RORA: variants seen among roughly 807,000 people sequenced by gnomAD.
RORA encodes nuclear receptor ROR-alpha.
Under a neutral mutation model 69.5 loss-of-function variants are expected in RORA, and 7 were observed. That is an observed-to-expected ratio of 0.10 (90% CI 0.06 to 0.19). RORA has a LOEUF of 0.19. Ranked by LOEUF, RORA falls within the 10% of genes least tolerant of loss-of-function variation. The pLI, the probability that RORA is intolerant of heterozygous loss-of-function variation, is 1.00. For synonymous variants in RORA, 261 were observed against 240.8 expected (o/e 1.08, Z -0.78); for missense variants, 457 against 663.0 (o/e 0.69, Z 3.41).
chr15:60,501,609 CTAACTGA>C (rs2065333906), intron 8 of RORA, among the ~76,000 whole-genome samples: 1 of 152,216 alleles, frequency 6.6e-6, no homozygotes, highest in African/African-American at 2.4e-5. Context: ...TAGCCATATT[CTAACTGA>C]TATGTTAAAT....
chr15:60,666,166 ATTT>A lies in RORA; in HGVS notation c.196+12488_196+12490del, dbSNP rs142176178. Among the ~76,000 whole-genome samples the A allele has an allele frequency of 2.8e-3, 386 of 135,526 alleles. 1 individual carries two copies. Among genetic ancestry groups the A allele is most frequent in the Admixed American group, 3.6e-3 (49 of 13,432 alleles). The allele number at this position is 135,526 out of a possible 152,430, so 88.9% of individuals were successfully genotyped here. A position where few individuals can be genotyped will look rare whatever the true frequency, so the allele number is the denominator to read the frequency against. On this transcript the variant is annotated intron_variant, in intron 2 of 10. Transcript: ENST00000335670. ...GTTAAGCCCAAGGGATACAAAGATA[ATTT>A]TTTTTTTTTTTTTTTTGAAACAGGG... is the stretch of plus-strand genomic sequence containing the variant.
At chr15:60,907,544 T>C (rs1350839306) in intron 1 of RORA, among the ~76,000 whole-genome samples, 3 of 152,196 alleles carry the variant, frequency 2.0e-5, no homozygotes, top group African/African-American at 2.4e-5. Flanking sequence ...TCTTCATTTG[T>C]GAATTATTCG....
chr15:60,495,541 T>C lies in RORA; in HGVS notation c.*1914A>G, dbSNP rs775123697. On this transcript the variant is annotated 3_prime_UTR_variant, in exon 11 of 11. Coordinates refer to ENST00000335670, the MANE Select transcript of RORA (RefSeq NM_134261.3). Reference sequence around the variant, plus strand: ...CAGTGGAGTTAGAAACAGAGTGAAGTGCTCTGGGAAGCCCATGCTGGTAAC... The same window carrying C: ...CAGTGGAGTTAGAAACAGAGTGAAGCGCTCTGGGAAGCCCATGCTGGTAAC... The C allele has an allele frequency of 2.0e-5, 3 of 152,242 alleles. No individual in the cohort carries two copies. Among genetic ancestry groups the C allele is most frequent in the Admixed American group, 1.3e-4 (2 of 15,280 alleles). 9.4% of individuals were successfully genotyped at this position (152,242 alleles called of 1,614,324 possible). A position where few individuals can be genotyped will look rare whatever the true frequency, so the allele number is the denominator to read the frequency against.
chr15:60,882,770 G>A (rs568204227), intron 1 of RORA, among the ~76,000 whole-genome samples: 5 of 152,100 alleles, frequency 3.3e-5, no homozygotes, highest in Admixed American at 6.5e-5. Context: ...GTTCTGATAC[G>A]TTCAGCCAAG....
intron 1 of RORA, among the ~76,000 whole-genome samples, chr15:60,984,356 A>G (rs1894131822): frequency 6.6e-6 from 1 of 151,882 alleles, no homozygotes; most frequent in Non-Finnish European, 1.5e-5. Flanking sequence ...TTAAAAAAGA[A>G]TCGTGACAAT....
chr15:61,084,825 C>CT lies in RORA; in HGVS notation c.166+144227dup, dbSNP rs34566111. 3.5e-3 allele frequency among the ~76,000 whole-genome samples: 486 copies of CT among 138,716 alleles called. 1 individual carries two copies. Among genetic ancestry groups the CT allele is most frequent in the Non-Finnish European group, 4.6e-3 (293 of 64,268 alleles). 91.0% of individuals were successfully genotyped at this position (138,716 alleles called of 152,430 possible). ...TCAGGCCCTTTCAGTTCTACCCATC[C>CT]TTTTTTTTTTTTTTTTTCTTTCCTA... On this transcript the variant is annotated intron_variant, in intron 1 of 10. Transcript: ENST00000335670.
chr15:60,935,658 C>CTATG (rs2140318217), intron 1 of RORA, among the ~76,000 whole-genome samples: 1 of 152,342 alleles, frequency 6.6e-6, no homozygotes, highest in African/African-American at 2.4e-5. Context: ...CCGCCTTTTG[C>CTATG]TTAACCGGCC....
At chr15:60,778,660 T>A (rs2072208978) in intron 1 of RORA, among the ~76,000 whole-genome samples, 1 of 152,162 alleles carries the variant, frequency 6.6e-6, no homozygotes, top group Non-Finnish European at 1.5e-5. Flanking sequence ...AACTGACAGC[T>A]CCCTTTAGCG....
chr15:60,991,624 T>C (rs963632716), intron 1 of RORA, among the ~76,000 whole-genome samples: 5 of 150,824 alleles, frequency 3.3e-5, no homozygotes, highest in South Asian at 2.1e-4. Flanking sequence ...AGACGGGGTG[T>C]TGGCAGCTCA....
chr15:61,131,406 C>T lies in RORA; in HGVS notation c.166+97647G>A, dbSNP rs570392516. 3.3e-5 allele frequency among the ~76,000 whole-genome samples: 5 copies of T among 152,284 alleles called. No individual in the cohort carries two copies. The South Asian group carries it at 1.0e-3, about 32-fold the overall frequency. On this transcript the variant is annotated intron_variant, in intron 1 of 10. Transcript: ENST00000335670. This position sits in a 1 kb window ranked among gnomAD's most constrained non-coding sequence, Gnocchi z 4.2. Reference sequence around the variant, plus strand: ...CAGATTTCAGCAGCATTTGCTGGAGCAAGGTGACTCCAGCATTTCTCTAGA... The same window carrying T: ...CAGATTTCAGCAGCATTTGCTGGAGTAAGGTGACTCCAGCATTTCTCTAGA...
chr15:60,575,434 G>A (rs2067997426), intron 2 of RORA, among the ~76,000 whole-genome samples: 1 of 152,124 alleles, frequency 6.6e-6, no homozygotes, highest in African/African-American at 2.4e-5. Flanking sequence ...GTGAAGTGGT[G>A]GTACAAAGGA....
At chr15:60,642,511 A>G (rs1012716918) in intron 2 of RORA, among the ~76,000 whole-genome samples, 2 of 152,270 alleles carry the variant, frequency 1.3e-5, no homozygotes, top group Non-Finnish European at 2.9e-5. Context: ...CAGGCAAGTA[A>G]ACTGCTAGTC....
rs1449707590 is a variant in RORA, at chr15:60,492,903, GTAT to G, written c.*4549_*4551del. ...AGTTCACTTGTGCCTTGGAGGGATAGTATTATTATCATTATTATTAATAATAAA... is the reference window on the plus strand; with the variant it reads ...AGTTCACTTGTGCCTTGGAGGGATAGTATTATCATTATTATTAATAATAAA... On this transcript the variant is annotated 3_prime_UTR_variant, in exon 11 of 11. Coordinates refer to ENST00000335670, the MANE Select transcript of RORA (RefSeq NM_134261.3). 3 of 152,058 alleles carry G rather than the reference GTAT, an allele frequency of 2.0e-5. No individual in the cohort carries two copies. The highest frequency in any genetic ancestry group is 3.8e-4 in the East Asian group (2 of 5,198). 9.4% of individuals were successfully genotyped at this position (152,058 alleles called of 1,614,324 possible). A position where few individuals can be genotyped will look rare whatever the true frequency, so the allele number is the denominator to read the frequency against.
chr15:60,549,102 G>A (rs138937687), intron 2 of RORA, among the ~76,000 whole-genome samples: 6 of 152,232 alleles, frequency 3.9e-5, no homozygotes, highest in South Asian at 2.1e-4. Flanking sequence ...TGTGTCTGTC[G>A]CCTATTTTGT....
At chr15:60,975,039 T>C (rs1893836860) in intron 1 of RORA, among the ~76,000 whole-genome samples, 1 of 152,146 alleles carries the variant, frequency 6.6e-6, no homozygotes, top group African/African-American at 2.4e-5. Context: ...GAGCCCGGAA[T>C]CTTTCCTGAA....
intron 1 of RORA, among the ~76,000 whole-genome samples, chr15:60,687,191 T>A (rs2070762724): frequency 6.6e-6 from 1 of 152,066 alleles, no homozygotes; most frequent in African/African-American, 2.4e-5. Flanking sequence ...CACTCTCAGA[T>A]AAGATGAAAA....
chr15:61,062,552 G>C (rs1469599819), intron 1 of RORA, among the ~76,000 whole-genome samples: 5 of 152,192 alleles, frequency 3.3e-5, no homozygotes, highest in Non-Finnish European at 7.3e-5. Flanking sequence ...AGCAGGGCGA[G>C]TGATTCAGGC....
intron 1 of RORA, among the ~76,000 whole-genome samples, chr15:61,180,564 C>A (rs2079674787): frequency 6.6e-6 from 1 of 152,222 alleles, no homozygotes; most frequent in Non-Finnish European, 1.5e-5. Flanking sequence ...CCAGTTTGGA[C>A]AACACCTCTT....
Position 60,763,065 on chromosome 15 carries a change from A to ATTTTTTTTTTTTTTT in RORA, c.167-84394_167-84380dup, listed in dbSNP as rs374433414. Among the ~76,000 whole-genome samples, 81 of 48,372 alleles carry ATTTTTTTTTTTTTTT rather than the reference A, an allele frequency of 1.7e-3. 12 individuals carry two copies. Among genetic ancestry groups the ATTTTTTTTTTTTTTT allele is most frequent in the African/African-American group, 1.5e-3 (21 of 13,974 alleles). 31.7% of individuals were successfully genotyped at this position (48,372 alleles called of 152,430 possible). A position where few individuals can be genotyped will look rare whatever the true frequency, so the allele number is the denominator to read the frequency against. ...AAAGTACTGTTTCCAATATGCACAG[A>ATTTTTTTTTTTTTTT]TTTTTTTTTTTTTTTTTTTTTTTTT... On this transcript the variant is annotated intron_variant, in intron 1 of 10. Coordinates refer to ENST00000335670, the MANE Select transcript of RORA (RefSeq NM_134261.3).
Sources: gnomAD v4.1 joint callset for allele counts (sites outside exome capture counted in the v4.1 genomes callset) on GRCh38, gnomAD v4.1.1 for gene constraint, Gnocchi (gnomAD v3.1) non-coding constraint, MANE v1.5 for transcripts, NCBI Gene and HGNC (gene_info 2026-07-23, HGNC 2026-07-21) for gene names.